The following KIF1A variants were observed in gnomAD, a reference collection of about 807,000 sequenced individuals.
KIF1A encodes kinesin-like protein KIF1A.
KIF1A carries 46 observed loss-of-function variants against 227.3 expected under a neutral mutation model. The observed-to-expected ratio is 0.20, with a 90% CI of 0.16 to 0.26. The LOEUF (loss-of-function observed/expected upper bound fraction) is 0.26. Ranked by LOEUF, KIF1A falls within the 10% of genes least tolerant of loss-of-function variation. KIF1A has a pLI of 1.00. For missense variants in KIF1A, 1,683 were observed against 2,485.9 expected (o/e 0.68, Z 6.87); for synonymous variants, 1,022 against 1,012.8 (o/e 1.01, Z -0.17).
In KIF1A at chr2:240,769,712, G is replaced by A; in HGVS notation, c.1342-6C>T. 6.2e-7 allele frequency: 1 copy of A among 1,612,690 alleles called. No homozygotes were observed. Among genetic ancestry groups the A allele is most frequent in the Non-Finnish European group, 8.5e-7 (1 of 1,179,196 alleles). On this transcript the variant is annotated splice_region_variant and splice_polypyrimidine_tract_variant and intron_variant, in intron 15 of 48. Coordinates refer to ENST00000498729, the MANE Select transcript of KIF1A (RefSeq NM_001244008.2). ...GCTATGATCTTCTCTGTTTCCTGGG[G>A]ATTGAGGCAGAGCACAGTGAGCTGC...
At position 240,747,219 on chromosome 2, in the gene KIF1A, G is replaced by T. The variant is rs116040950; in HGVS notation, c.3063+17C>A. 1.2e-6 allele frequency: 2 copies of T among 1,601,640 alleles called. No individual in the cohort carries two copies. The highest frequency in any genetic ancestry group is 1.7e-6 in the Non-Finnish European group (2 of 1,169,310). ...CCAGGCACCTCCAGGTCTGGGACTC[G>T]GGAGGGAGCTTGGTACCTTTTCAAA... On this transcript the variant is annotated intron_variant, in intron 29 of 48. Coordinates refer to ENST00000498729, the MANE Select transcript of KIF1A (RefSeq NM_001244008.2).
In KIF1A at chr2:240,778,008, CCG is replaced by C. The variant is rs2053007476; in HGVS notation, c.883-2084_883-2083del. On this transcript the variant is annotated intron_variant, in intron 10 of 48. Coordinates refer to ENST00000498729, the MANE Select transcript of KIF1A (RefSeq NM_001244008.2). The surrounding 1 kb of genome is among the most constrained non-coding windows in gnomAD (Gnocchi z 7.2). ...TCCCTCAAGGAGCTCTCGCCGTTCC[CCG>C]CACGGTTCCCACGCGGCTGCTCGCA... Among the ~76,000 whole-genome samples the C allele has an allele frequency of 6.6e-6, 1 of 152,194 alleles. No individual in the cohort carries two copies. The highest frequency in any genetic ancestry group is 2.1e-4 in the South Asian group (1 of 4,832).
At position 240,726,985 on chromosome 2, in the gene KIF1A, T is replaced by G; in HGVS notation, c.4008-45A>C. ...AAGTAGAAGTTGATGGCGTGGGGGC[T>G]GCTTTCAGCCAGGCCGGGGACATGC... On this transcript the variant is annotated intron_variant, in intron 38 of 48. Coordinates refer to ENST00000498729, the MANE Select transcript of KIF1A (RefSeq NM_001244008.2). The surrounding 1 kb of genome is among the most constrained non-coding windows in gnomAD (Gnocchi z 5.2). The G allele has an allele frequency of 8.2e-7, 1 of 1,213,252 alleles. No individual in the cohort carries two copies. The highest frequency in any genetic ancestry group is 1.2e-6 in the Non-Finnish European group (1 of 839,376). 75.2% of individuals were successfully genotyped at this position (1,213,252 alleles called of 1,614,324 possible). A position where few individuals can be genotyped will look rare whatever the true frequency, so the allele number is the denominator to read the frequency against.
chr2:240,780,830 C>CCACACACACACACACACA (rs772178620), intron 10 of KIF1A, among the ~76,000 whole-genome samples: 2 of 10,062 alleles, frequency 2.0e-4, no homozygotes, highest in Non-Finnish European at 3.6e-4. Flanking sequence ...ACACACAGCT[C>CCACACACACACACACACA]CACACACACA....
intron 47 of KIF1A, 135 bp from the exon 48 acceptor site, chr2:240,718,303 AAG>A (rs2044805098): frequency 4.2e-6 from 3 of 710,454 alleles, no homozygotes; most frequent in Admixed American, 4.1e-5. Context: ...GGAGGGGACA[AAG>A]AGGGGAAGGC....
At chr2:240,783,343 C>T (rs2054315889) in intron 8 of KIF1A, among the ~76,000 whole-genome samples, 1 of 152,292 alleles carries the variant, frequency 6.6e-6, no homozygotes, top group South Asian at 2.1e-4. Flanking sequence ...GATATCATCC[C>T]ATGTCCCCCT....
chr2:240,810,250 G>A (rs1001495983), intron 1 of KIF1A, among the ~76,000 whole-genome samples: 4 of 152,230 alleles, frequency 2.6e-5, no homozygotes, highest in East Asian at 1.9e-4. Context: ...GGATTTGTAC[G>A]CAGAATACAC....
chr2:240,779,453 TAGTTCCACACTC>T lies in KIF1A; in HGVS notation c.882+3125_882+3136del, dbSNP rs1350507874. On this transcript the variant is annotated intron_variant, in intron 10 of 48. Coordinates refer to ENST00000498729, the MANE Select transcript of KIF1A (RefSeq NM_001244008.2). Reference sequence around the variant, plus strand: ...ACTCACTTCCTCACTCAGCTCCTCATAGTTCCACACTCAGTTCCTCACTCAGTTCCTCACTCA... The same window carrying T: ...ACTCACTTCCTCACTCAGCTCCTCATAGTTCCTCACTCAGTTCCTCACTCA... Among the ~76,000 whole-genome samples the T allele has an allele frequency of 3.5e-4, 36 of 102,790 alleles. 4 individuals are homozygous for T. The highest frequency in any genetic ancestry group is 1.3e-3 in the African/African-American group (31 of 24,686). 67.4% of individuals were successfully genotyped at this position (102,790 alleles called of 152,430 possible).
intron 33 of KIF1A, among the ~76,000 whole-genome samples, chr2:240,743,362 CCACCCGAGGCCTCTCTG>C (rs2048221038): frequency 6.6e-6 from 1 of 152,188 alleles, no homozygotes; most frequent in Non-Finnish European, 1.5e-5. Flanking sequence ...AAGAAAGGGC[CCACCCGAGGCCTCTCTG>C]CAGTTCTCTC....
chr2:240,760,625 G>A lies in KIF1A; in HGVS notation c.2444+40C>T, dbSNP rs995635719. 5 of 1,412,326 alleles carry A rather than the reference G, an allele frequency of 3.5e-6. No individual in the cohort carries two copies. The African/African-American group carries it at 5.9e-5, about 17-fold the overall frequency. 87.5% of individuals were successfully genotyped at this position (1,412,326 alleles called of 1,614,324 possible). On this transcript the variant is annotated intron_variant, in intron 25 of 48. Coordinates refer to ENST00000498729, the MANE Select transcript of KIF1A (RefSeq NM_001244008.2). Reference sequence around the variant, plus strand: ...CCTGTGGCTTCAGCCCTGCCCAGGAGGACCCTCCCACCATCCACCCAGCGG... The same window carrying A: ...CCTGTGGCTTCAGCCCTGCCCAGGAAGACCCTCCCACCATCCACCCAGCGG...
At chr2:240,760,315 T>C (rs1198249588) in intron 25 of KIF1A, among the ~76,000 whole-genome samples, 1 of 152,246 alleles carries the variant, frequency 6.6e-6, no homozygotes, top group Non-Finnish European at 1.5e-5. Context: ...TACCCGCTCT[T>C]GGCGCTCCGC....
intron 1 of KIF1A, among the ~76,000 whole-genome samples, chr2:240,799,570 A>G (rs1297955637): frequency 6.6e-6 from 1 of 152,184 alleles, no homozygotes; most frequent in Non-Finnish European, 1.5e-5. Flanking sequence ...CACAGCCAGG[A>G]GTGGCTGCCA....
At position 240,793,030 on chromosome 2, in the gene KIF1A, G is replaced by T. The variant is rs1347073278; in HGVS notation, c.107-3718C>A. Among the ~76,000 whole-genome samples, 1 of 152,200 alleles carries T rather than the reference G, an allele frequency of 6.6e-6. No homozygotes were observed. Among genetic ancestry groups the T allele is most frequent in the Non-Finnish European group, 1.5e-5 (1 of 68,026 alleles). On this transcript the variant is annotated intron_variant, in intron 2 of 48. Coordinates refer to ENST00000498729, the MANE Select transcript of KIF1A (RefSeq NM_001244008.2). This position sits in a 1 kb window ranked among gnomAD's most constrained non-coding sequence, Gnocchi z 4.8. ...CCGAGTCTGGCCTCCAGAACAGGGG[G>T]GGGACATTTCTGTCATTTGAAGCCA...
At chr2:240,780,104 G>C (rs1053467271) in intron 10 of KIF1A, among the ~76,000 whole-genome samples, 2 of 151,852 alleles carry the variant, frequency 1.3e-5, no homozygotes, top group African/African-American at 4.8e-5. Flanking sequence ...GTTCCCGCAC[G>C]CTTCCCCACA....
chr2:240,818,254 C>T (rs978040138), intron 1 of KIF1A, among the ~76,000 whole-genome samples: 4 of 152,180 alleles, frequency 2.6e-5, no homozygotes, highest in African/African-American at 9.7e-5. Context: ...CGGAGTGAAG[C>T]TGTTCATCCG....
chr2:240,745,251 G>A (rs2048449826), intron 32 of KIF1A, among the ~76,000 whole-genome samples, 176 bp downstream of exon 32: 1 of 152,104 alleles, frequency 6.6e-6, no homozygotes, highest in South Asian at 2.1e-4. Flanking sequence ...AATCCATCAA[G>A]GGTCTCCCAC....
At chr2:240,802,946 A>G (rs1040950968) in intron 1 of KIF1A, among the ~76,000 whole-genome samples, 3 of 152,180 alleles carry the variant, frequency 2.0e-5, no homozygotes, top group African/African-American at 7.2e-5. Context: ...ATATTCTTTT[A>G]AAGTGCACAC....
chr2:240,714,980 G>A lies in KIF1A; in HGVS notation c.*2384C>T, dbSNP rs1369216421. ...CACCCACGCCGCGAGTGCTCTGCAGGTTGGCTGGCCTCAGACACCTGCGAC... is the reference window on the plus strand; with the variant it reads ...CACCCACGCCGCGAGTGCTCTGCAGATTGGCTGGCCTCAGACACCTGCGAC... On this transcript the variant is annotated 3_prime_UTR_variant, in exon 49 of 49. Coordinates refer to ENST00000498729, the MANE Select transcript of KIF1A (RefSeq NM_001244008.2). 2 of 152,402 alleles carry A rather than the reference G, an allele frequency of 1.3e-5. No homozygotes were observed. The highest frequency in any genetic ancestry group is 1.9e-4 in the East Asian group (1 of 5,182). 9.4% of individuals were successfully genotyped at this position (152,402 alleles called of 1,614,324 possible).
chr2:240,739,338 G>A lies in KIF1A; in HGVS notation c.3901+720C>T, dbSNP rs1219425320. Among the ~76,000 whole-genome samples, 7 of 152,210 alleles carry A rather than the reference G, an allele frequency of 4.6e-5. No homozygotes were observed. In the South Asian group the frequency reaches 6.2e-4, roughly 14 times the overall value. On this transcript the variant is annotated intron_variant, in intron 37 of 48. Transcript: ENST00000498729. This position sits in a 1 kb window ranked among gnomAD's most constrained non-coding sequence, Gnocchi z 5.6. ...CGCTTTAGCAAAGGAAACATTTGGC[G>A]GACCCGAATTCGAAACATGAGGTCA...
Sources: allele counts gnomAD v4.1 joint callset (sites outside exome capture counted in the v4.1 genomes callset), GRCh38; gene constraint gnomAD v4.1.1; non-coding constraint Gnocchi (gnomAD v3.1); transcripts MANE v1.5; gene names NCBI Gene and HGNC (gene_info 2026-07-23, HGNC 2026-07-21).